The following ST8SIA1 variants were observed in gnomAD, a reference collection of about 807,000 sequenced individuals.
The protein encoded by ST8SIA1 is alpha-N-acetylneuraminide alpha-2,8-sialyltransferase.
In ST8SIA1, 16 loss-of-function variants were observed where a neutral mutation model predicts 35.9. The ratio of observed to expected loss-of-function variants is 0.45; its 90% CI spans 0.30 to 0.68. The LOEUF (loss-of-function observed/expected upper bound fraction) is 0.68, where lower values mean the gene tolerates loss of function less well. Ranked by LOEUF, ST8SIA1 falls within the 30% of genes least tolerant of loss-of-function variation. The pLI, the probability that ST8SIA1 is intolerant of heterozygous loss-of-function variation, is 0.09. For synonymous variants in ST8SIA1, 170 were observed against 169.6 expected (o/e 1.00, Z -0.02); for missense variants, 383 against 453.6 (o/e 0.84, Z 1.41).
rs1865635272 is a variant in ST8SIA1 at position 22,249,011 on chromosome 12, C to A, written c.579G>T (p.Arg193=). Residue 193 remains arginine, a synonymous_variant, in exon 4 of 5, where the codon CGG becomes CGT. Coordinates refer to ENST00000396037, the MANE Select transcript of ST8SIA1 (RefSeq NM_003034.4). ...CAGAAGTCATAAACTCTTACCTTTG[C>A]CGAATTATGCTGGGATTAGCTGTCA... The part of the protein sequence containing the change: ...QLVTANPSII[R]QRFQNLLWSR... The A allele has an allele frequency of 6.2e-7, 1 of 1,612,152 alleles. No homozygotes were observed. The highest frequency in any genetic ancestry group is 1.3e-5 in the African/African-American group (1 of 74,854).
chr12:22,308,511 T>G (rs1866410912), intron 1 of ST8SIA1, among the ~76,000 whole-genome samples: 1 of 152,172 alleles, frequency 6.6e-6, no homozygotes, highest in Admixed American at 6.5e-5. Context: ...AAATACTTAT[T>G]TCTCAACTAA....
At chr12:22,238,841 T>G (rs1565574761) in intron 4 of ST8SIA1, among the ~76,000 whole-genome samples, 1 of 151,992 alleles carries the variant, frequency 6.6e-6, no homozygotes, top group Non-Finnish European at 1.5e-5. Flanking sequence ...GCATCCCAGG[T>G]TTTTTTTCTG....
At chr12:22,332,726 T>A (rs533495282) in intron 1 of ST8SIA1, among the ~76,000 whole-genome samples, 5 of 152,346 alleles carry the variant, frequency 3.3e-5, no homozygotes, top group Admixed American at 3.3e-4. Context: ...ATCTTTTTAA[T>A]CCTCTTTCCA....
intron 1 of ST8SIA1, among the ~76,000 whole-genome samples, chr12:22,307,021 T>C (rs1283605432): frequency 1.3e-5 from 2 of 152,170 alleles, no homozygotes; most frequent in Non-Finnish European, 2.9e-5. Flanking sequence ...AGCAGTATAT[T>C]TTCTTTGGAA....
intron 1 of ST8SIA1, among the ~76,000 whole-genome samples, chr12:22,307,162 T>C (rs747778420): frequency 2.0e-5 from 3 of 152,126 alleles, no homozygotes; most frequent in Admixed American, 6.5e-5. Flanking sequence ...TACTGATCCA[T>C]AGCTGTCCAT....
chr12:22,255,521 A>T, intron 2 of ST8SIA1, 132 bp from the exon 3 acceptor site: 1 of 788,032 alleles, frequency 1.3e-6, no homozygotes, highest in Non-Finnish European at 2.1e-6. Context: ...ATGTGAAAAG[A>T]AAGATGCCAA....
At chr12:22,274,459 T>C (rs1865946267) in intron 2 of ST8SIA1, among the ~76,000 whole-genome samples, 1 of 152,168 alleles carries the variant, frequency 6.6e-6, no homozygotes, top group Admixed American at 6.5e-5. Context: ...AAAAAGAAAT[T>C]ATCTTCACAA....
rs6487294 is a variant in ST8SIA1 at position 22,195,566 on chromosome 12, A to G, written c.*5986T>C. Reference sequence around the variant, plus strand: ...GCAGGGGCCAGCACATCAGGTGTGCAATGGATAAGCTTCACCCAGAGAAAA... The same window carrying G: ...GCAGGGGCCAGCACATCAGGTGTGCGATGGATAAGCTTCACCCAGAGAAAA... On this transcript the variant is annotated 3_prime_UTR_variant, in exon 5 of 5. Coordinates refer to ENST00000396037, the MANE Select transcript of ST8SIA1 (RefSeq NM_003034.4). The G allele has an allele frequency of 0.6, 90,948 of 152,042 alleles. 27,532 individuals carry two copies. Among genetic ancestry groups the G allele is most frequent in the South Asian group, 0.83 (4,004 of 4,820 alleles). 9.4% of individuals were successfully genotyped at this position (152,042 alleles called of 1,614,324 possible). A position where few individuals can be genotyped will look rare whatever the true frequency, so the allele number is the denominator to read the frequency against.
rs1403552665 is a variant in ST8SIA1, at chr12:22,198,919, G to A, written c.*2633C>T. On this transcript the variant is annotated 3_prime_UTR_variant, in exon 5 of 5. Transcript: ENST00000396037. ...AGTCATGAAAATAAAAAATGTCTCTGGTCTCCAGACATTGCCAAATGTCAC... is the reference window on the plus strand; with the variant it reads ...AGTCATGAAAATAAAAAATGTCTCTAGTCTCCAGACATTGCCAAATGTCAC... The A allele has an allele frequency of 2.6e-5, 4 of 152,038 alleles. No homozygotes were observed. The highest frequency in any genetic ancestry group is 6.6e-5 in the Admixed American group (1 of 15,250). The allele number at this position is 152,038 out of a possible 1,614,324, so 9.4% of individuals were successfully genotyped here.
At chr12:22,266,024 T>C (rs1865844122) in intron 2 of ST8SIA1, among the ~76,000 whole-genome samples, 1 of 152,048 alleles carries the variant, frequency 6.6e-6, no homozygotes, top group Admixed American at 6.6e-5. Context: ...TATCTATGCA[T>C]ACACCCAATA....
chr12:22,307,968 A>G (rs763150021), intron 1 of ST8SIA1, among the ~76,000 whole-genome samples: 1 of 152,176 alleles, frequency 6.6e-6, no homozygotes, highest in Non-Finnish European at 1.5e-5. Flanking sequence ...AAAAAAATTT[A>G]TTTTGAGATG....
At chr12:22,318,542 G>A (rs1866546804) in intron 1 of ST8SIA1, among the ~76,000 whole-genome samples, 1 of 152,174 alleles carries the variant, frequency 6.6e-6, no homozygotes, top group Non-Finnish European at 1.5e-5. Context: ...AGGAAAAAAA[G>A]AGACATCCTC....
At position 22,247,577 on chromosome 12, in the gene ST8SIA1, T is replaced by C. The variant is rs111502103; in HGVS notation, c.584+1429A>G. ...TTACTCTTATAAGAACAAAAATAAA[T>C]ACATTTACATGGATTACATTTCTAA... On this transcript the variant is annotated intron_variant, in intron 4 of 4. Coordinates refer to ENST00000396037, the MANE Select transcript of ST8SIA1 (RefSeq NM_003034.4). Among the ~76,000 whole-genome samples, 344 of 152,210 alleles carry C rather than the reference T, an allele frequency of 2.3e-3. 1 individual carries two copies. Among genetic ancestry groups the C allele is most frequent in the African/African-American group, 7.3e-3 (304 of 41,560 alleles).
rs954957220 is a variant in ST8SIA1, at chr12:22,334,266, G to T, written c.-34C>A. On this transcript the variant is annotated 5_prime_UTR_variant, in exon 1 of 5. Coordinates refer to ENST00000396037, the MANE Select transcript of ST8SIA1 (RefSeq NM_003034.4). Reference sequence around the variant, plus strand: ...CGGCGTCCCAGGGGCGGGGGCCGGGGCCTCAGCACAAAGCTAGGCGAAGTG... The same window carrying T: ...CGGCGTCCCAGGGGCGGGGGCCGGGTCCTCAGCACAAAGCTAGGCGAAGTG... 6.4e-7 allele frequency: 1 copy of T among 1,572,416 alleles called. No individual in the cohort carries two copies. Among genetic ancestry groups the T allele is most frequent in the South Asian group, 1.1e-5 (1 of 89,918 alleles).
At chr12:22,210,092 T>A (rs1865160908) in intron 4 of ST8SIA1, among the ~76,000 whole-genome samples, 1 of 152,116 alleles carries the variant, frequency 6.6e-6, no homozygotes, top group Non-Finnish European at 1.5e-5. Flanking sequence ...TACATGGCAA[T>A]TTTTTTAAAT....
intron 2 of ST8SIA1, among the ~76,000 whole-genome samples, chr12:22,269,654 G>C (rs1865888338): frequency 6.6e-6 from 1 of 152,072 alleles, no homozygotes. Context: ...TCTTTGAATT[G>C]TGGCAGAGCT....
chr12:22,227,630 A>AT (rs553774419), intron 4 of ST8SIA1, among the ~76,000 whole-genome samples: 3 of 152,012 alleles, frequency 2.0e-5, no homozygotes, highest in African/African-American at 4.8e-5. Context: ...TCTATACCAA[A>AT]TTTTTTTTCT....
chr12:22,218,609 C>T (rs1384714544), intron 4 of ST8SIA1, among the ~76,000 whole-genome samples: 4 of 22,458 alleles, frequency 1.8e-4, no homozygotes, highest in Non-Finnish European at 4.3e-4. Context: ...CAAAGCGAGA[C>T]TCAAAATAAA....
At chr12:22,309,417 T>C (rs1446601988) in intron 1 of ST8SIA1, among the ~76,000 whole-genome samples, 3 of 152,152 alleles carry the variant, frequency 2.0e-5, no homozygotes, top group Non-Finnish European at 4.4e-5. Context: ...TGTCCTCTGC[T>C]TCACCTTTTG....
Sources: allele counts gnomAD v4.1 joint callset (sites outside exome capture counted in the v4.1 genomes callset), GRCh38; gene constraint gnomAD v4.1.1; transcripts MANE v1.5; gene names NCBI Gene and HGNC (gene_info 2026-07-23, HGNC 2026-07-21).